TMEM232: variants seen among roughly 807,000 people sequenced by gnomAD.
The protein encoded by TMEM232 is transmembrane protein 232.
TMEM232 carries 80 observed loss-of-function variants against 78.8 expected under a neutral mutation model. The observed-to-expected ratio is 1.01, with a 90% CI of 0.85 to 1.22. The LOEUF (loss-of-function observed/expected upper bound fraction) is 1.22, where lower values mean the gene tolerates loss of function less well. Ranked by LOEUF, TMEM232 falls within the 50% of genes most tolerant of loss-of-function variation. The probability of loss-of-function intolerance (pLI) is 0.00; values close to 1 mark genes in which losing one functional copy is unlikely to be tolerated. For missense variants in TMEM232, 881 were observed against 742.2 expected, an observed-to-expected ratio of 1.19 and a Z score of -2.17; for synonymous variants, 297 against 254.3, an observed-to-expected ratio of 1.17 and a Z score of -1.60.
intron 10 of TMEM232, among the ~76,000 whole-genome samples, chr5:110,590,383 G>A (rs1156838922): frequency 1.3e-5 from 2 of 152,120 alleles, no homozygotes; most frequent in Admixed American, 6.6e-5. Context: ...TGGCCAGTGA[G>A]TGAACATTAT....
At chr5:110,593,632 A>C (rs1383818940) in intron 10 of TMEM232, among the ~76,000 whole-genome samples, 1 of 152,158 alleles carries the variant, frequency 6.6e-6, no homozygotes, top group African/African-American at 2.4e-5. Context: ...AATTGAACTC[A>C]TGGAGATACA....
At chr5:110,474,883 T>C (rs1042777616) in intron 12 of TMEM232, among the ~76,000 whole-genome samples, 12 of 152,002 alleles carry the variant, frequency 7.9e-5, no homozygotes, top group Non-Finnish European at 1.8e-4. Flanking sequence ...AACACTTCAG[T>C]GAACTGAAGA....
chr5:110,544,494 T>C (rs1265731311), intron 11 of TMEM232, among the ~76,000 whole-genome samples: 3 of 147,928 alleles, frequency 2.0e-5, no homozygotes, highest in Non-Finnish European at 4.5e-5. Context: ...CACCAATAAT[T>C]AGAGAAATGT....
chr5:110,632,913 A>C (rs1157935438), intron 5 of TMEM232, among the ~76,000 whole-genome samples: 1 of 152,194 alleles, frequency 6.6e-6, no homozygotes, highest in African/African-American at 2.4e-5. Context: ...CCACAAACCC[A>C]AAATACTTTT....
chr5:110,599,962 C>G (rs1257598110), intron 10 of TMEM232, among the ~76,000 whole-genome samples: 1 of 152,134 alleles, frequency 6.6e-6, no homozygotes, highest in East Asian at 1.9e-4. Context: ...TCATAACAGT[C>G]TCTCAGACCA....
intron 11 of TMEM232, among the ~76,000 whole-genome samples, chr5:110,530,829 C>T (rs1244437200): frequency 6.6e-6 from 1 of 152,124 alleles, no homozygotes; most frequent in Non-Finnish European, 1.5e-5. Context: ...TACATCATAT[C>T]TTGAAAAATG....
chr5:110,419,699 C>T lies in TMEM232; in HGVS notation c.*881G>A, dbSNP rs188625654. Among the ~76,000 whole-genome samples, 768 of 152,138 alleles carry T rather than the reference C, an allele frequency of 5.0e-3. 4 individuals are homozygous for T. Among genetic ancestry groups the T allele is most frequent in the Non-Finnish European group, 8.5e-3 (575 of 67,936 alleles). ...TGGTAGTCATTTGAGTTTGACACCC[C>T]TGATAAAAGTCTCTGTCTCTTGAGT... On this transcript the variant is annotated 3_prime_UTR_variant, in exon 14 of 14. Coordinates refer to ENST00000455884, the MANE Select transcript of TMEM232 (RefSeq NM_001039763.4).
At chr5:110,649,196 A>C (rs1344436862) in intron 2 of TMEM232, among the ~76,000 whole-genome samples, 2 of 152,144 alleles carry the variant, frequency 1.3e-5, no homozygotes, top group African/African-American at 4.8e-5. Flanking sequence ...TATATAAAGC[A>C]TAAAACTGTA....
chr5:110,692,350 C>G (rs1794225648), intron 1 of TMEM232, among the ~76,000 whole-genome samples: 1 of 152,198 alleles, frequency 6.6e-6, no homozygotes, highest in Non-Finnish European at 1.5e-5. Flanking sequence ...AGCAGCAGCT[C>G]CAGTCTACAG....
At chr5:110,463,730 T>A (rs1465402009) in intron 12 of TMEM232, among the ~76,000 whole-genome samples, 1 of 152,198 alleles carries the variant, frequency 6.6e-6, no homozygotes, top group Non-Finnish European at 1.5e-5. Context: ...TCCAATTTAT[T>A]GGCAAATATG....
chr5:110,559,397 T>C (rs1331277041), intron 11 of TMEM232, among the ~76,000 whole-genome samples: 1 of 151,894 alleles, frequency 6.6e-6, no homozygotes, highest in Non-Finnish European at 1.5e-5. Context: ...ATTAACAGCA[T>C]GAAAAGCAAC....
intron 2 of TMEM232, among the ~76,000 whole-genome samples, chr5:110,653,560 G>A (rs1251987270): frequency 6.6e-6 from 1 of 152,132 alleles, no homozygotes; most frequent in Admixed American, 6.5e-5. Flanking sequence ...CTGGGCACAT[G>A]ATCACCCAGA....
intron 1 of TMEM232, among the ~76,000 whole-genome samples, chr5:110,716,751 C>A (rs1197499198): frequency 2.0e-5 from 3 of 152,140 alleles, no homozygotes; most frequent in Admixed American, 1.3e-4. Flanking sequence ...CAGATTGTCA[C>A]TCTTTTTGCC....
intron 12 of TMEM232, among the ~76,000 whole-genome samples, chr5:110,487,956 G>T (rs1356200318): frequency 2.0e-5 from 3 of 152,000 alleles, no homozygotes; most frequent in African/African-American, 7.2e-5. Flanking sequence ...TTCTTTGAAT[G>T]TCTGGTAGAA....
chr5:110,495,078 A>G (rs1765501977), intron 12 of TMEM232, among the ~76,000 whole-genome samples: 1 of 151,312 alleles, frequency 6.6e-6, no homozygotes, highest in Admixed American at 6.6e-5. Flanking sequence ...TGTTATTTTA[A>G]TTAAACTTCA....
At chr5:110,530,723 G>A (rs1771327167) in intron 11 of TMEM232, among the ~76,000 whole-genome samples, 1 of 152,168 alleles carries the variant, frequency 6.6e-6, no homozygotes, top group Admixed American at 6.5e-5. Context: ...GGGCTGACGG[G>A]TGAAGGGCTG....
rs1416179601 is a variant in TMEM232, at chr5:110,426,291, GTT to G, written c.1704-1377_1704-1376del. Among the ~76,000 whole-genome samples, 6 of 152,034 alleles carry G rather than the reference GTT, an allele frequency of 3.9e-5. No individual in the cohort carries two copies. In the East Asian group the frequency reaches 1.2e-3, roughly 29 times the overall value. On this transcript the variant is annotated intron_variant, in intron 12 of 13. Transcript: ENST00000455884. ...TATCATGTCCCTGTGTGAGTTTTAT[GTT>G]TTCCTGAGTAGAGTATGAGCTACAT...
At chr5:110,604,966 T>C (rs1781362125) in intron 10 of TMEM232, 143 bp downstream of exon 10, 1 of 966,576 alleles carries the variant, frequency 1.0e-6, no homozygotes, top group Admixed American at 3.2e-5. Flanking sequence ...AAAAAATAAA[T>C]CATGCTATAT....
chr5:110,647,035 T>C (rs1251112076), intron 2 of TMEM232, among the ~76,000 whole-genome samples: 1 of 151,864 alleles, frequency 6.6e-6, no homozygotes, highest in Non-Finnish European at 1.5e-5. Flanking sequence ...ATAAGTTGTA[T>C]AGAGACTTCC....
Sources: allele counts gnomAD v4.1 joint callset (sites outside exome capture counted in the v4.1 genomes callset), GRCh38; gene constraint gnomAD v4.1.1; transcripts MANE v1.5; gene names NCBI Gene and HGNC (gene_info 2026-07-23, HGNC 2026-07-21).